TLN2: variants seen among roughly 807,000 people sequenced by gnomAD.
TLN2 encodes talin 2, also known as talin-2.
TLN2 carries 118 observed loss-of-function variants against 294.7 expected under a neutral mutation model. The ratio of observed to expected loss-of-function variants is 0.40; its 90% CI spans 0.34 to 0.47. The LOEUF is 0.47. Among genes scored for constraint, TLN2 ranks in the 20% least tolerant of loss-of-function variants. TLN2 has a pLI of 0.84. For missense variants in TLN2, 3,083 were observed against 3,282.2 expected (o/e 0.94, Z 1.48); for synonymous variants, 1,431 against 1,304.5 (o/e 1.10, Z -2.09).
intron 11 of TLN2, among the ~76,000 whole-genome samples, chr15:62,683,478 TGGTAGAATG>T (rs2141033196): frequency 7.2e-6 from 1 of 139,598 alleles, no homozygotes; most frequent in Admixed American, 7.1e-5. Flanking sequence ...CGCCTCTCAT[TGGTAGAATG>T]CCTGCATTCT....
At chr15:62,724,301 A>G (rs1595793787) in intron 26 of TLN2, among the ~76,000 whole-genome samples, 1 of 152,152 alleles carries the variant, frequency 6.6e-6, no homozygotes, top group Non-Finnish European at 1.5e-5. Flanking sequence ...TTCTGCTGTT[A>G]TTACTATCAT....
chr15:62,435,611 G>A (rs1056042669), intron 1 of TLN2, among the ~76,000 whole-genome samples: 1 of 152,046 alleles, frequency 6.6e-6, no homozygotes, highest in Non-Finnish European at 1.5e-5. Context: ...GCGCGATCTT[G>A]GCTCACTGCA....
chr15:62,742,756 TG>T (rs1467143018), intron 32 of TLN2, among the ~76,000 whole-genome samples: 5 of 152,214 alleles, frequency 3.3e-5, no homozygotes, highest in Admixed American at 3.3e-4. Flanking sequence ...TGTCTTGGGA[TG>T]GAACTGTTGC....
intron 54 of TLN2, among the ~76,000 whole-genome samples, chr15:62,825,274 T>C (rs769651808): frequency 3.3e-5 from 5 of 152,102 alleles, no homozygotes; most frequent in Non-Finnish European, 5.9e-5. Context: ...AAATGGCAAA[T>C]GGCCATGGAA....
At chr15:62,744,230 C>A (rs574251033) in intron 32 of TLN2, among the ~76,000 whole-genome samples, 1 of 152,182 alleles carries the variant, frequency 6.6e-6, no homozygotes, top group South Asian at 2.1e-4. Flanking sequence ...TCCCTACATA[C>A]CTCTGGTCCC....
rs141509615 is a variant in TLN2, at chr15:62,567,475, G to A, written c.-237-22212G>A. ...GGCCTGGTGAGGGTGGATTTGAGCAGCAAGATGCTGGTGGGAGTAATATCC... is the reference window on the plus strand; with the variant it reads ...GGCCTGGTGAGGGTGGATTTGAGCAACAAGATGCTGGTGGGAGTAATATCC... On this transcript the variant is annotated intron_variant, in intron 1 of 58. Coordinates refer to ENST00000636159, the MANE Select transcript of TLN2 (RefSeq NM_015059.3). Among the ~76,000 whole-genome samples the A allele has an allele frequency of 3.3e-5, 5 of 152,324 alleles. No individual in the cohort carries two copies. In the East Asian group the frequency reaches 9.6e-4, roughly 29 times the overall value.
At chr15:62,692,052 T>G (rs2057964701) in intron 12 of TLN2, among the ~76,000 whole-genome samples, 1 of 152,240 alleles carries the variant, frequency 6.6e-6, no homozygotes, top group Admixed American at 6.5e-5. Context: ...TGTAGTATTC[T>G]GGCCTACTTT....
At chr15:62,524,016 T>C (rs773250141) in intron 1 of TLN2, among the ~76,000 whole-genome samples, 13 of 152,254 alleles carry the variant, frequency 8.5e-5, no homozygotes, top group Admixed American at 3.9e-4. Flanking sequence ...ATGCTGCTCC[T>C]ATGTCCTTTT....
intron 37 of TLN2, among the ~76,000 whole-genome samples, 169 bp downstream of exon 37, chr15:62,755,862 C>T (rs1199195744): frequency 2.6e-5 from 4 of 152,180 alleles, no homozygotes; most frequent in African/African-American, 9.7e-5. Flanking sequence ...TGGAGATACT[C>T]TTCTTGAAAA....
At chr15:62,707,612 G>A (rs2059149356) in intron 20 of TLN2, among the ~76,000 whole-genome samples, 1 of 152,132 alleles carries the variant, frequency 6.6e-6, no homozygotes, top group Non-Finnish European at 1.5e-5. Flanking sequence ...AGAGTTTATG[G>A]GAACCCTTTC....
chr15:62,796,583 T>G (rs1261762422), intron 47 of TLN2, among the ~76,000 whole-genome samples: 1 of 152,168 alleles, frequency 6.6e-6, no homozygotes, highest in African/African-American at 2.4e-5. Context: ...TTCCTCAAAC[T>G]GCTGGCCAAC....
chr15:62,528,871 C>T (rs1184593090), intron 1 of TLN2, among the ~76,000 whole-genome samples: 2 of 152,064 alleles, frequency 1.3e-5, no homozygotes, highest in Non-Finnish European at 2.9e-5. Flanking sequence ...TGTTTACTTT[C>T]TGTACTTCAC....
chr15:62,785,231 C>T (rs558179134), intron 45 of TLN2, among the ~76,000 whole-genome samples: 25 of 152,074 alleles, frequency 1.6e-4, no homozygotes, highest in Admixed American at 1.6e-3. Flanking sequence ...TTTACACAGG[C>T]CTATCATTTT....
intron 1 of TLN2, among the ~76,000 whole-genome samples, chr15:62,413,744 G>C (rs1307384812): frequency 6.6e-6 from 1 of 152,346 alleles, no homozygotes; most frequent in East Asian, 1.9e-4. Context: ...AAGGGCTCCA[G>C]TGCAGAGGCA....
chr15:62,673,881 G>C lies in TLN2; in HGVS notation c.843G>C (p.Arg281Ser). 2.5e-6 allele frequency: 4 copies of C among 1,612,736 alleles called. No homozygotes were observed. The highest frequency in any genetic ancestry group is 3.4e-6 in the Non-Finnish European group (4 of 1,179,094). ...EYIKQRGAEK[R>S]IFQEHKNCGE... ...TCAAGCAGAGAGGAGCTGAAAAGAG[G>C]ATCTTTCAGGTATTGGAAATGTACA... Residue 281 changes from arginine (R) to serine (S), a missense_variant, in exon 10 of 59, where the codon AGG becomes AGC. By Grantham distance (110) the Arg-to-Ser change is moderately radical. Transcript: ENST00000636159.
At chr15:62,772,511 C>T (rs1314254846) in intron 42 of TLN2, among the ~76,000 whole-genome samples, 1 of 152,244 alleles carries the variant, frequency 6.6e-6, no homozygotes, top group East Asian at 1.9e-4. Flanking sequence ...CAAAGGGGTG[C>T]CTCCCCCAAA....
At chr15:62,731,568 G>A (rs1391291049) in intron 28 of TLN2, among the ~76,000 whole-genome samples, 1 of 152,118 alleles carries the variant, frequency 6.6e-6, no homozygotes, top group Non-Finnish European at 1.5e-5. Context: ...GTCTGAAAGG[G>A]TTGCTGTTTA....
chr15:62,715,979 A>G (rs988883229), intron 22 of TLN2, among the ~76,000 whole-genome samples: 1 of 152,186 alleles, frequency 6.6e-6, no homozygotes, highest in Non-Finnish European at 1.5e-5. Context: ...TGTCATGCCA[A>G]TGAAAAGAAG....
chr15:62,461,235 C>T (rs1447900686), intron 1 of TLN2, among the ~76,000 whole-genome samples: 1 of 152,172 alleles, frequency 6.6e-6, no homozygotes, highest in South Asian at 2.1e-4. Flanking sequence ...TGAGCCACCG[C>T]GTCTGGCCAG....
Sources: allele counts gnomAD v4.1 joint callset (sites outside exome capture counted in the v4.1 genomes callset), GRCh38; gene constraint gnomAD v4.1.1; transcripts MANE v1.5; gene names NCBI Gene and HGNC (gene_info 2026-07-23, HGNC 2026-07-21).